GRM7: variants seen among roughly 807,000 people sequenced by gnomAD.
GRM7 encodes the protein glutamate metabotropic receptor 7.
A neutral mutation model predicts 84.5 loss-of-function variants in GRM7; 35 were observed. That is an observed-to-expected ratio of 0.41 (90% confidence interval 0.32 to 0.55). The LOEUF (loss-of-function observed/expected upper bound fraction) is 0.55. Among genes scored for constraint, GRM7 ranks in the 20% least tolerant of loss-of-function variants. GRM7 has a pLI of 0.19. For missense variants in GRM7, 1,003 were observed against 1,194.6 expected (o/e 0.84, Z 2.36); for synonymous variants, 487 against 455.1 (o/e 1.07, Z -0.89).
At chr3:7,126,629 C>T (rs915040583) in intron 1 of GRM7, among the ~76,000 whole-genome samples, 10 of 152,142 alleles carry the variant, frequency 6.6e-5, no homozygotes, top group Non-Finnish European at 1.3e-4. Flanking sequence ...TTAGCTACTA[C>T]CACTCATATT....
intron 2 of GRM7, among the ~76,000 whole-genome samples, chr3:7,225,719 A>C (rs1696962541): frequency 6.6e-6 from 1 of 151,832 alleles, no homozygotes; most frequent in African/African-American, 2.4e-5. Flanking sequence ...ATTAAGTAGA[A>C]GTACAATAGT....
intron 7 of GRM7, among the ~76,000 whole-genome samples, chr3:7,570,754 G>C (rs1442657225): frequency 6.6e-6 from 1 of 152,206 alleles, no homozygotes; most frequent in Non-Finnish European, 1.5e-5. Context: ...GCCTCAGTAG[G>C]GACTCTGTTT....
At chr3:7,602,280 C>G (rs189076346) in intron 8 of GRM7, among the ~76,000 whole-genome samples, 3 of 152,150 alleles carry the variant, frequency 2.0e-5, no homozygotes. Flanking sequence ...CTTCCCCATC[C>G]CTCCCCTAGT....
chr3:7,465,916 A>G (rs553903367), intron 7 of GRM7, among the ~76,000 whole-genome samples: 215 of 152,230 alleles, frequency 1.4e-3, no homozygotes, highest in Non-Finnish European at 2.5e-3. Flanking sequence ...AAAATGTCTC[A>G]TGTACCCTCA....
At chr3:6,892,356 A>G (rs1695992453) in intron 1 of GRM7, among the ~76,000 whole-genome samples, 2 of 148,748 alleles carry the variant, frequency 1.3e-5, no homozygotes, top group Admixed American at 1.3e-4. Context: ...AGGCCTGCAC[A>G]TACACTTAAT....
At chr3:7,046,589 A>G (rs17046693) in intron 1 of GRM7, among the ~76,000 whole-genome samples, 8,464 of 152,090 alleles carry the variant, frequency 0.056, 233 homozygotes, top group Middle Eastern at 0.12. Flanking sequence ...CTTCCAGGCT[A>G]TTTACAGGAG....
chr3:7,299,544 C>T (rs118184615), intron 3 of GRM7, among the ~76,000 whole-genome samples: 4 of 152,234 alleles, frequency 2.6e-5, no homozygotes, highest in South Asian at 4.2e-4. Flanking sequence ...TCCATCTTGT[C>T]GCATAGCTAA....
chr3:7,014,419 C>G (rs915753069), intron 1 of GRM7, among the ~76,000 whole-genome samples: 7 of 152,230 alleles, frequency 4.6e-5, no homozygotes, highest in Middle Eastern at 6.8e-3. Context: ...CAGCTCACTG[C>G]AACCTCAGCC....
chr3:7,021,835 G>A (rs966255684), intron 1 of GRM7, among the ~76,000 whole-genome samples: 2 of 152,112 alleles, frequency 1.3e-5, no homozygotes, highest in East Asian at 1.9e-4. Flanking sequence ...TAGGTACTGA[G>A]CAATTCATAT....
chr3:7,060,574 C>T (rs1697403550), intron 1 of GRM7, among the ~76,000 whole-genome samples: 1 of 151,746 alleles, frequency 6.6e-6, no homozygotes, highest in Non-Finnish European at 1.5e-5. Flanking sequence ...GAGTCAGGAA[C>T]ATCATTAATG....
At chr3:6,978,492 C>G (rs9869526) in intron 1 of GRM7, among the ~76,000 whole-genome samples, 64,751 of 151,948 alleles carry the variant, frequency 0.43, 13,878 homozygotes, top group Middle Eastern at 0.57. Context: ...ACTTCCCCCC[C>G]ATTTGATCCA....
At chr3:6,958,827 C>G (rs1444505713) in intron 1 of GRM7, among the ~76,000 whole-genome samples, 1 of 151,988 alleles carries the variant, frequency 6.6e-6, no homozygotes, top group Non-Finnish European at 1.5e-5. Flanking sequence ...ATCCAGGTAC[C>G]AAGTTTCTCA....
At chr3:7,335,074 T>A (rs1356240653) in intron 4 of GRM7, among the ~76,000 whole-genome samples, 1 of 152,224 alleles carries the variant, frequency 6.6e-6, no homozygotes, top group Non-Finnish European at 1.5e-5. Context: ...TTAACAGATA[T>A]TTACAGAACA....
chr3:7,651,623 G>T (rs1223421726), intron 8 of GRM7, among the ~76,000 whole-genome samples: 1 of 152,188 alleles, frequency 6.6e-6, no homozygotes, highest in South Asian at 2.1e-4. Flanking sequence ...AAGAATTGCT[G>T]CTCAGTTCCA....
chr3:7,003,961 C>G (rs1318346187), intron 1 of GRM7, among the ~76,000 whole-genome samples: 1 of 152,116 alleles, frequency 6.6e-6, no homozygotes, highest in Non-Finnish European at 1.5e-5. Flanking sequence ...ACTCACATAT[C>G]AAGCAAGTTA....
chr3:7,243,254 G>A (rs1055873621), intron 2 of GRM7, among the ~76,000 whole-genome samples: 1 of 152,072 alleles, frequency 6.6e-6, no homozygotes, highest in Non-Finnish European at 1.5e-5. Context: ...AGAGCTACCA[G>A]TAGCCCAATC....
At chr3:7,308,206 G>C (rs1700263698) in intron 4 of GRM7, among the ~76,000 whole-genome samples, 1 of 152,084 alleles carries the variant, frequency 6.6e-6, no homozygotes, top group African/African-American at 2.4e-5. Context: ...CTCTTCTAGA[G>C]TACTAATCAT....
chr3:7,524,715 C>G (rs1332054400), intron 7 of GRM7, among the ~76,000 whole-genome samples: 2 of 86,832 alleles, frequency 2.3e-5, no homozygotes, highest in East Asian at 2.6e-4. Context: ...GGCGATTCCT[C>G]AGGGATCTAG....
intron 7 of GRM7, among the ~76,000 whole-genome samples, chr3:7,526,798 T>A (rs1373607132): frequency 6.6e-6 from 1 of 152,004 alleles, no homozygotes; most frequent in Non-Finnish European, 1.5e-5. Context: ...TTCCCTATTG[T>A]TTATTTTTAT....
Sources: gnomAD v4.1 joint callset for allele counts (sites outside exome capture counted in the v4.1 genomes callset) on GRCh38, gnomAD v4.1.1 for gene constraint, MANE v1.5 for transcripts, NCBI Gene and HGNC (gene_info 2026-07-23, HGNC 2026-07-21) for gene names.